MACROD2: variants seen among roughly 807,000 people sequenced by gnomAD.
MACROD2 encodes ADP-ribose glycohydrolase MACROD2.
Under a neutral mutation model 70.4 loss-of-function variants are expected in MACROD2, and 36 were observed. That is an observed-to-expected ratio of 0.51 (90% CI 0.39 to 0.68). The LOEUF (loss-of-function observed/expected upper bound fraction) is 0.68. Among genes scored for constraint, MACROD2 ranks in the 30% least tolerant of loss-of-function variants. The pLI is 0.00. For missense variants in MACROD2, 496 were observed against 538.4 expected (o/e 0.92, Z 0.78); for synonymous variants, 172 against 178.8 (o/e 0.96, Z 0.30).
chr20:14,218,146 T>A lies in MACROD2; in HGVS notation c.271+132418T>A, dbSNP rs370646852. 7.7e-4 allele frequency among the ~76,000 whole-genome samples: 118 copies of A among 152,328 alleles called. 1 individual carries two copies. The highest frequency in any genetic ancestry group is 2.7e-3 in the African/African-American group (112 of 41,576). On this transcript the variant is annotated intron_variant, in intron 3 of 17. Transcript: ENST00000684519. ...GTCCCCCAATATTATTGTGTTGCTA[T>A]CTCATTTCTTAGGTCTATTAGTAAT...
At chr20:15,864,194 A>G (rs896908703) in intron 9 of MACROD2, among the ~76,000 whole-genome samples, 2 of 152,142 alleles carry the variant, frequency 1.3e-5, no homozygotes, top group African/African-American at 2.4e-5. Context: ...GTTGAATTAA[A>G]TAAATTTTTC....
chr20:15,058,714 G>A (rs1309572196), intron 5 of MACROD2, among the ~76,000 whole-genome samples: 5 of 152,098 alleles, frequency 3.3e-5, no homozygotes, highest in African/African-American at 1.2e-4. Context: ...TCTTAAAAGA[G>A]CTTCGTAGAG....
At chr20:14,980,145 C>T (rs918313499) in intron 5 of MACROD2, among the ~76,000 whole-genome samples, 2 of 152,152 alleles carry the variant, frequency 1.3e-5, no homozygotes, top group African/African-American at 2.4e-5. Flanking sequence ...TTTGAAATTT[C>T]ATCCTGAAGG....
intron 4 of MACROD2, among the ~76,000 whole-genome samples, chr20:14,517,351 T>C (rs1429454034): frequency 6.6e-6 from 1 of 152,162 alleles, no homozygotes; most frequent in Non-Finnish European, 1.5e-5. Context: ...TGGAATACTG[T>C]GCAGCCATAA....
chr20:15,331,230 T>C (rs1340728704), intron 6 of MACROD2, among the ~76,000 whole-genome samples: 1 of 151,734 alleles, frequency 6.6e-6, no homozygotes, highest in Non-Finnish European at 1.5e-5. Context: ...AAAATCGACT[T>C]GTTAAAAAAT....
chr20:14,213,781 A>C (rs2081590931), intron 3 of MACROD2, among the ~76,000 whole-genome samples: 2 of 152,138 alleles, frequency 1.3e-5, no homozygotes, highest in Non-Finnish European at 2.9e-5. Flanking sequence ...TGTGAATATG[A>C]TTATTAAGAT....
chr20:15,845,579 G>C (rs1029726161), intron 8 of MACROD2, among the ~76,000 whole-genome samples: 11 of 152,002 alleles, frequency 7.2e-5, no homozygotes, highest in Admixed American at 3.3e-4. Context: ...AGACCACCAT[G>C]AATGGGAGCA....
chr20:14,698,398 G>A (rs980012597), intron 5 of MACROD2, among the ~76,000 whole-genome samples: 1 of 152,106 alleles, frequency 6.6e-6, no homozygotes, highest in Admixed American at 6.6e-5. Context: ...CTCACAGGGA[G>A]GCTCTCATGA....
intron 2 of MACROD2, among the ~76,000 whole-genome samples, chr20:14,023,573 CT>C (rs1313547881): frequency 6.6e-6 from 1 of 151,966 alleles, no homozygotes; most frequent in Non-Finnish European, 1.5e-5. Context: ...GAGTTAATTT[CT>C]GTATAAGGTG....
chr20:15,814,517 T>G (rs534456755), intron 8 of MACROD2, among the ~76,000 whole-genome samples: 49 of 152,296 alleles, frequency 3.2e-4, no homozygotes, highest in African/African-American at 1.2e-3. Context: ...TTGATTGCTT[T>G]GCCTCTCTGT....
chr20:14,391,713 C>T (rs191688332), intron 3 of MACROD2, among the ~76,000 whole-genome samples: 15 of 149,840 alleles, frequency 1.0e-4, no homozygotes, highest in Admixed American at 3.3e-4. Context: ...GCAAATTAAC[C>T]CAGAACAGAA....
intron 4 of MACROD2, among the ~76,000 whole-genome samples, chr20:14,653,786 T>C (rs1292272422): frequency 2.0e-5 from 3 of 152,196 alleles, no homozygotes; most frequent in Non-Finnish European, 4.4e-5. Context: ...GGAGCATGGT[T>C]GGCTCATTCC....
chr20:15,950,938 C>T lies in MACROD2; in HGVS notation c.907+13394C>T, dbSNP rs966870295. Among the ~76,000 whole-genome samples the T allele has an allele frequency of 3.9e-5, 6 of 152,180 alleles. No homozygotes were observed. In the East Asian group the frequency reaches 7.7e-4, roughly 20 times the overall value. On this transcript the variant is annotated intron_variant, in intron 12 of 17. Transcript: ENST00000684519. ...TTTTGTGAAATTTTGTTTGCTTGCT[C>T]GCCCCTTTTTTGTTGGTAGAACTTT...
At chr20:14,069,504 T>C (rs537314739) in intron 2 of MACROD2, among the ~76,000 whole-genome samples, 7 of 151,800 alleles carry the variant, frequency 4.6e-5, no homozygotes, top group African/African-American at 1.7e-4. Flanking sequence ...CTGTCTCCTA[T>C]AGGCATTTGG....
chr20:14,278,644 T>C (rs1179196026), intron 3 of MACROD2, among the ~76,000 whole-genome samples: 1 of 152,188 alleles, frequency 6.6e-6, no homozygotes, highest in African/African-American at 2.4e-5. Context: ...AAATTAACTC[T>C]TAAGAAAATG....
chr20:14,057,915 C>T (rs1346671556), intron 2 of MACROD2, among the ~76,000 whole-genome samples: 1 of 152,172 alleles, frequency 6.6e-6, no homozygotes, highest in Non-Finnish European at 1.5e-5. Context: ...TCAAAATAAA[C>T]TAGACACAAA....
intron 2 of MACROD2, among the ~76,000 whole-genome samples, chr20:14,014,568 T>A (rs10485770): frequency 6.6e-6 from 1 of 152,014 alleles, no homozygotes; most frequent in Non-Finnish European, 1.5e-5. Context: ...TTGGCAACAG[T>A]TCATACAATA....
chr20:14,012,520 A>T (rs958749339), intron 2 of MACROD2, among the ~76,000 whole-genome samples: 1 of 152,026 alleles, frequency 6.6e-6, no homozygotes, highest in East Asian at 1.9e-4. Context: ...TTTAATAATG[A>T]CTCTTAGGCT....
At chr20:15,760,033 C>T (rs2051412331) in intron 8 of MACROD2, among the ~76,000 whole-genome samples, 2 of 152,180 alleles carry the variant, frequency 1.3e-5, no homozygotes, top group Admixed American at 1.3e-4. Flanking sequence ...GAACCATTCT[C>T]CCTTTGAGAA....
Sources: allele counts gnomAD v4.1 joint callset (sites outside exome capture counted in the v4.1 genomes callset), GRCh38; gene constraint gnomAD v4.1.1; transcripts MANE v1.5; gene names NCBI Gene and HGNC (gene_info 2026-07-23, HGNC 2026-07-21).